LSP1: variants seen among roughly 807,000 people sequenced by gnomAD.
LSP1 encodes lymphocyte specific protein 1, also known as lymphocyte-specific protein 1.
A neutral mutation model predicts 49.3 loss-of-function variants in LSP1; 32 were observed. That is an observed-to-expected ratio of 0.65 (90% CI 0.49 to 0.87). LSP1 has a LOEUF of 0.87. Among genes scored for constraint, LSP1 ranks in the 40% least tolerant of loss-of-function variants. LSP1 has a pLI of 0.00. For missense variants in LSP1, 428 were observed against 442.6 expected, an observed-to-expected ratio of 0.97 and a Z score of 0.30; for synonymous variants, 179 against 178.8, an observed-to-expected ratio of 1.00 and a Z score of -0.01.
intron 10 of LSP1, chr11:1,890,150 T>C (rs1032347709): frequency 2.7e-5 from 19 of 716,924 alleles, no homozygotes; most frequent in Non-Finnish European, 4.9e-5. Flanking sequence ...TGGCCCTGAA[T>C]TGAGCAGCTA....
chr11:1,876,255 C>T (rs904065045), intron 1 of LSP1, among the ~76,000 whole-genome samples: 1 of 152,122 alleles, frequency 6.6e-6, no homozygotes, highest in Non-Finnish European at 1.5e-5. Context: ...TCTGCAGTGA[C>T]TTGAGGGGTC....
intron 10 of LSP1, chr11:1,889,753 C>T: frequency 1.5e-6 from 1 of 655,260 alleles, no homozygotes; most frequent in Non-Finnish European, 2.8e-6. Flanking sequence ...GGTGAGGACT[C>T]CAGCGAGCGG....
chr11:1,869,513 C>T (rs55699011), intron 1 of LSP1: 13,021 of 404,336 alleles, frequency 0.032, 313 homozygotes, highest in Non-Finnish European at 0.046. Context: ...GGCTGAGGTG[C>T]GAATGGAAGC....
In LSP1 at chr11:1,887,685, G is replaced by A. The variant is rs1247300753; in HGVS notation, c.*13+109G>A. ...GAGCCCTGTTGCAGGCTACAAGGGTGGACTCCGAGTTGGCCAGAACCCAGA... is the reference window on the plus strand; with the variant it reads ...GAGCCCTGTTGCAGGCTACAAGGGTAGACTCCGAGTTGGCCAGAACCCAGA... On this transcript the variant is annotated intron_variant, in intron 10 of 10. Coordinates refer to ENST00000311604, the MANE Select transcript of LSP1 (RefSeq NM_002339.3). The A allele has an allele frequency of 5.0e-6, 4 of 804,800 alleles. No homozygotes were observed. The African/African-American group carries it at 5.2e-5, about 10-fold the overall frequency. 49.9% of individuals were successfully genotyped at this position (804,800 alleles called of 1,614,324 possible).
chr11:1,866,957 G>C, intron 1 of LSP1: 1 of 1,454,636 alleles, frequency 6.9e-7, no homozygotes, highest in Non-Finnish European at 9.1e-7. Flanking sequence ...GTGGGCCCAG[G>C]CTCGGGGCCA....
rs3741223 is a variant in LSP1, at chr11:1,892,099, G to A, written c.*340G>A. The A allele has an allele frequency of 6.6e-6, 1 of 152,216 alleles. No individual in the cohort carries two copies. The highest frequency in any genetic ancestry group is 1.9e-4 in the East Asian group (1 of 5,260). The allele number at this position is 152,216 out of a possible 1,614,324, so 9.4% of individuals were successfully genotyped here. A position where few individuals can be genotyped will look rare whatever the true frequency, so the allele number is the denominator to read the frequency against. Reference sequence around the variant, plus strand: ...GTGCCTTCTAGGAAGTTAGGAGGTTGAGGCACAGCCTGTGCAGAGAGGGTG... The same window carrying A: ...GTGCCTTCTAGGAAGTTAGGAGGTTAAGGCACAGCCTGTGCAGAGAGGGTG... On this transcript the variant is annotated 3_prime_UTR_variant, in exon 11 of 11. Coordinates refer to ENST00000311604, the MANE Select transcript of LSP1 (RefSeq NM_002339.3).
intron 1 of LSP1, chr11:1,870,024 G>A (rs1470604811): frequency 2.5e-6 from 1 of 397,946 alleles, no homozygotes; most frequent in Admixed American, 2.8e-5. Flanking sequence ...GTGCACCTCC[G>A]AGCCTCCGTT....
At chr11:1,868,756 C>T (rs990397934) in intron 1 of LSP1, 5 of 985,752 alleles carry the variant, frequency 5.1e-6, no homozygotes, top group Non-Finnish European at 4.8e-6. Flanking sequence ...GACCGAGTGG[C>T]CCAGCCCCCT....
chr11:1,890,562 A>G lies in LSP1; in HGVS notation c.*14-1211A>G, dbSNP rs571653545. The G allele has an allele frequency of 2.0e-3, 1,423 of 711,204 alleles. 5 individuals are homozygous for G. The highest frequency in any genetic ancestry group is 3.4e-3 in the East Asian group (127 of 37,262). 44.1% of individuals were successfully genotyped at this position (711,204 alleles called of 1,614,324 possible). ...GCTTGGGCCGCACACCTCGGGTGCCATCGACGCAGCCGATATGAGCATGAC... is the reference window on the plus strand; with the variant it reads ...GCTTGGGCCGCACACCTCGGGTGCCGTCGACGCAGCCGATATGAGCATGAC... On this transcript the variant is annotated intron_variant, in intron 10 of 10. Coordinates refer to ENST00000311604, the MANE Select transcript of LSP1 (RefSeq NM_002339.3).
intron 1 of LSP1, among the ~76,000 whole-genome samples, chr11:1,859,993 G>A (rs1847584977): frequency 6.6e-6 from 1 of 152,110 alleles, no homozygotes; most frequent in Non-Finnish European, 1.5e-5. Flanking sequence ...ACATTCGCAG[G>A]TATGTGTCGG....
intron 1 of LSP1, among the ~76,000 whole-genome samples, chr11:1,874,810 A>G (rs1277909980): frequency 6.6e-6 from 1 of 152,034 alleles, no homozygotes; most frequent in Non-Finnish European, 1.5e-5. Context: ...GTCCCTCAAG[A>G]GGTCCCCAAA....
chr11:1,887,620 G>A (rs1848813106), intron 10 of LSP1, 44 bp downstream of exon 10: 10 of 1,522,062 alleles, frequency 6.6e-6, no homozygotes, highest in South Asian at 4.5e-5. Flanking sequence ...GTGCACACAC[G>A]TGCACTGTGC....
At chr11:1,867,413 C>T (rs1194809223) in intron 1 of LSP1, among the ~76,000 whole-genome samples, 1 of 151,576 alleles carries the variant, frequency 6.6e-6, no homozygotes, top group Non-Finnish European at 1.5e-5. Flanking sequence ...CCACCACTGC[C>T]ATGATCTCTT....
In LSP1 at chr11:1,853,192, G is replaced by A; in HGVS notation, c.48G>A (p.Leu16=). Reference sequence around the variant, plus strand: ...CGGGTGCCGAGGAGCGGGAAGAGTTGCTGGGGTAAGGGTCTGCGGCGACGC... The same window carrying A: ...CGGGTGCCGAGGAGCGGGAAGAGTTACTGGGGTAAGGGTCTGCGGCGACGC... ...SDPGAEEREE[L]LGPTAQWSVE... Residue 16 remains leucine, a synonymous_variant, in exon 1 of 11, where the codon TTG becomes TTA. Transcript: ENST00000311604. 6.2e-7 allele frequency: 1 copy of A among 1,610,628 alleles called. No homozygotes were observed. The highest frequency in any genetic ancestry group is 8.5e-7 in the Non-Finnish European group (1 of 1,179,328).
In LSP1 at chr11:1,881,474, C is replaced by A; in HGVS notation, c.234C>A (p.Asp78Glu). 6.3e-7 allele frequency: 1 copy of A among 1,581,128 alleles called. No individual in the cohort carries two copies. The change falls in exon 3 of 11, where the codon GAC becomes GAA. Residue 78 changes from aspartate (D) to glutamate (E), a missense_variant. Transcript: ENST00000311604. ...CGGAGGCCCCTGAACTGGATGAGGA[C>A]GAGGGCTTTGGCGACTGGTCCCAGA... ...KPSEAPELDE[D>E]EGFGDWSQRP...
chr11:1,872,027 T>A (rs1848039352), intron 1 of LSP1, among the ~76,000 whole-genome samples: 2 of 141,338 alleles, frequency 1.4e-5, no homozygotes, highest in Non-Finnish European at 3.0e-5. Context: ...ACGGGGTGTG[T>A]GTGGCAGGCA....
chr11:1,872,391 G>A (rs1848070799), intron 1 of LSP1, among the ~76,000 whole-genome samples: 1 of 146,516 alleles, frequency 6.8e-6, no homozygotes, highest in Admixed American at 6.8e-5. Context: ...GGCACCTTTG[G>A]GACGGGGTGT....
intron 10 of LSP1, chr11:1,888,734 G>T: frequency 6.0e-6 from 1 of 166,978 alleles, no homozygotes; most frequent in Non-Finnish European, 1.3e-5. Flanking sequence ...CAGAGATCTG[G>T]CCCCAAACCT....
chr11:1,883,410 C>T lies in LSP1; in HGVS notation c.357-9C>T. 3.1e-6 allele frequency: 5 copies of T among 1,613,792 alleles called. No individual in the cohort carries two copies. Among genetic ancestry groups the T allele is most frequent in the Non-Finnish European group, 4.2e-6 (5 of 1,179,860 alleles). ...CCTAGAACGGCTTTGCCTCCCTTTC[C>T]ACCCACAGGCCCGGCCTGCATGCCT... On this transcript the variant is annotated splice_polypyrimidine_tract_variant and intron_variant, in intron 3 of 10. Transcript: ENST00000311604.
Sources: gnomAD v4.1 joint callset for allele counts (sites outside exome capture counted in the v4.1 genomes callset) on GRCh38, gnomAD v4.1.1 for gene constraint, MANE v1.5 for transcripts, NCBI Gene and HGNC (gene_info 2026-07-23, HGNC 2026-07-21) for gene names.